CEP43: variants seen among roughly 807,000 people sequenced by gnomAD.
CEP43 encodes centrosomal protein 43, also known as FGFR1 oncogene partner.
A neutral mutation model predicts 52.6 loss-of-function variants in CEP43; 36 were observed. The ratio of observed to expected loss-of-function variants is 0.68; its 90% confidence interval spans 0.52 to 0.90. The LOEUF is 0.90. Among genes scored for constraint, CEP43 ranks in the 40% least tolerant of loss-of-function variants. The pLI, the probability that CEP43 is intolerant of heterozygous loss-of-function variation, is 0.00. For missense variants in CEP43, 506 were observed against 472.8 expected (o/e 1.07, Z -0.65); for synonymous variants, 192 against 172.4 (o/e 1.11, Z -0.89).
chr6:167,008,702 C>T (rs1779909883), intron 5 of CEP43, among the ~76,000 whole-genome samples: 1 of 151,948 alleles, frequency 6.6e-6, no homozygotes, highest in African/African-American at 2.4e-5. Context: ...GTCTCAATCT[C>T]TGACCTCGTG....
At position 167,042,278 on chromosome 6, in the gene CEP43, A is replaced by C; in HGVS notation, c.*2300A>C. 3 of 1,005,118 alleles carry C rather than the reference A, an allele frequency of 3.0e-6. No homozygotes were observed. Among genetic ancestry groups the C allele is most frequent in the Non-Finnish European group, 2.4e-6 (2 of 840,276 alleles). 62.3% of individuals were successfully genotyped at this position (1,005,118 alleles called of 1,614,324 possible). The stretch of plus-strand genomic sequence containing the variant: ...TGTGATGAGTGTTTTCTGTTAAAAA[A>C]TAAATATTGAAATATTAACCCATTA... On this transcript the variant is annotated 3_prime_UTR_variant, in exon 13 of 13. Transcript: ENST00000366847.
Position 167,026,601 on chromosome 6 carries a change from GA to G in CEP43, c.975del (p.Ser326HisfsTer4). 1 of 1,583,398 alleles carries G rather than the reference GA, an allele frequency of 6.3e-7. No individual in the cohort carries two copies. The highest frequency in any genetic ancestry group is 8.7e-7 in the Non-Finnish European group (1 of 1,152,074). On this transcript the variant is annotated frameshift_variant, in exon 10 of 13. Coordinates refer to ENST00000366847, the MANE Select transcript of CEP43 (RefSeq NM_007045.4). LOFTEE classifies it high-confidence loss of function. ...CTGAAATTGATCAGTGATAAAATTG[GA>G]TCACTTGGATTAGGTAATTAGATTT... ...KDLKLISDKIGSLGLGTGEDD... is the reference protein window; with the variant it reads ...KDLKLISDKIXSLGLGTGEDD...
intron 7 of CEP43, among the ~76,000 whole-genome samples, chr6:167,018,966 G>A (rs1780163075): frequency 6.6e-6 from 1 of 152,146 alleles, no homozygotes; most frequent in Admixed American, 6.5e-5. Flanking sequence ...AGATTAAGTA[G>A]ATAGCATACG....
At chr6:167,009,481 C>G (rs1280417352) in intron 5 of CEP43, among the ~76,000 whole-genome samples, 1 of 122,704 alleles carries the variant, frequency 8.1e-6, no homozygotes, top group Middle Eastern at 5.6e-3. Context: ...CTGCACTCCA[C>G]AGAGCGAGAC....
chr6:167,039,071 T>A (rs553424835), intron 12 of CEP43, among the ~76,000 whole-genome samples: 2 of 152,312 alleles, frequency 1.3e-5, no homozygotes, highest in South Asian at 2.1e-4. Context: ...CATTCCTGAG[T>A]TACTTCACTT....
chr6:167,006,241 G>A (rs1779849368), intron 5 of CEP43, among the ~76,000 whole-genome samples: 1 of 152,236 alleles, frequency 6.6e-6, no homozygotes, highest in Non-Finnish European at 1.5e-5. Context: ...GATAGGCTGA[G>A]CGCGGTAGCT....
chr6:167,030,389 T>G (rs533765437), intron 10 of CEP43, among the ~76,000 whole-genome samples: 1 of 152,340 alleles, frequency 6.6e-6, no homozygotes, highest in African/African-American at 2.4e-5. Context: ...GTAGTTTGTT[T>G]AATCAGATTT....
chr6:167,013,830 G>A (rs765627386), intron 7 of CEP43, among the ~76,000 whole-genome samples: 5 of 152,170 alleles, frequency 3.3e-5, no homozygotes, highest in African/African-American at 7.2e-5. Context: ...AAAATTAGCC[G>A]GCCGTGGTGG....
At chr6:167,010,244 C>A (rs953683158) in intron 5 of CEP43, among the ~76,000 whole-genome samples, 1 of 152,094 alleles carries the variant, frequency 6.6e-6, no homozygotes, top group Non-Finnish European at 1.5e-5. Context: ...TGCTCAGAAC[C>A]CTGTGGTGAC....
At chr6:167,028,286 C>A (rs1780395752) in intron 10 of CEP43, 2 of 985,350 alleles carry the variant, frequency 2.0e-6, no homozygotes, top group South Asian at 4.7e-5. Context: ...GAATTGTCAT[C>A]CTCAGGAGGG....
intron 7 of CEP43, among the ~76,000 whole-genome samples, chr6:167,015,402 T>G (rs932554276): frequency 2.0e-5 from 3 of 152,240 alleles, no homozygotes; most frequent in African/African-American, 7.2e-5. Flanking sequence ...GCCTTGTGCA[T>G]GCAGTGAGTT....
intron 6 of CEP43, among the ~76,000 whole-genome samples, 184 bp from the exon 7 acceptor site, chr6:167,013,324 A>G (rs1342624995): frequency 6.6e-6 from 1 of 152,258 alleles, no homozygotes; most frequent in South Asian, 2.1e-4. Context: ...AACAGTAAAC[A>G]TGAGGTAGAT....
chr6:167,026,812 T>C (rs1033051741), intron 10 of CEP43, among the ~76,000 whole-genome samples, 197 bp downstream of exon 10: 4 of 152,220 alleles, frequency 2.6e-5, no homozygotes, highest in East Asian at 1.9e-4. Context: ...CATCATGTTC[T>C]CGTGAACCTC....
intron 12 of CEP43, among the ~76,000 whole-genome samples, chr6:167,035,230 A>G (rs1780558074): frequency 6.6e-6 from 1 of 152,196 alleles, no homozygotes; most frequent in Admixed American, 6.5e-5. Context: ...TGCCATTTAC[A>G]TAGATTGGAC....
intron 8 of CEP43, 99 bp downstream of exon 8, chr6:167,022,734 A>G (rs1482063054): frequency 1.2e-6 from 1 of 806,078 alleles, no homozygotes; most frequent in Non-Finnish European, 2.0e-6. Context: ...GAAGGTTTAT[A>G]ATTATTGGAT....
At chr6:167,017,768 T>TATGA (rs1408929871) in intron 7 of CEP43, among the ~76,000 whole-genome samples, 1 of 152,172 alleles carries the variant, frequency 6.6e-6, no homozygotes, top group Non-Finnish European at 1.5e-5. Context: ...AAAGCTTTCT[T>TATGA]ATGGCTGCAC....
At position 167,006,476 on chromosome 6, in the gene CEP43, C is replaced by T. The variant is rs1583269451; in HGVS notation, c.438+2075C>T. On this transcript the variant is annotated intron_variant, in intron 5 of 12. Transcript: ENST00000366847. ...GCAGTGAGGCGAGGTCGTGCCACCG[C>T]ACTCCAGCCTGGCGACAGAGCGAGA... is the stretch of plus-strand genomic sequence containing the variant. Among the ~76,000 whole-genome samples the T allele has an allele frequency of 3.3e-5, 5 of 151,878 alleles. No individual in the cohort carries two copies. The South Asian group carries it at 1.0e-3, about 32-fold the overall frequency.
intron 12 of CEP43, chr6:167,036,235 G>A: frequency 2.0e-6 from 2 of 985,438 alleles, no homozygotes; most frequent in Non-Finnish European, 2.4e-6. Context: ...ACTTGGTTCT[G>A]CGAGGGCTGA....
At chr6:167,027,900 T>C in intron 10 of CEP43, 1 of 985,732 alleles carries the variant, frequency 1.0e-6, no homozygotes, top group East Asian at 1.1e-4. Flanking sequence ...CCCGGATTCT[T>C]GTTCCGCACA....
Sources: allele counts gnomAD v4.1 joint callset (sites outside exome capture counted in the v4.1 genomes callset), GRCh38; gene constraint gnomAD v4.1.1; transcripts MANE v1.5; gene names NCBI Gene and HGNC (gene_info 2026-07-23, HGNC 2026-07-21).